RGS12: variants seen among roughly 807,000 people sequenced by gnomAD.
RGS12 encodes the protein regulator of G protein signaling 12.
Under a neutral mutation model 120.1 loss-of-function variants are expected in RGS12, and 66 were observed. The ratio of observed to expected loss-of-function variants is 0.55; its 90% CI spans 0.45 to 0.67. The LOEUF is 0.67. RGS12 is among the 30% of genes least tolerant of loss of function. RGS12 has a pLI of 0.00. For synonymous variants in RGS12, 827 were observed against 804.7 expected, an observed-to-expected ratio of 1.03 and a Z score of -0.47; for missense variants, 1,859 against 1,957.7, an observed-to-expected ratio of 0.95 and a Z score of 0.95.
At chr4:3,292,638 C>T (rs1723090419), upstream of RGS12, among the ~76,000 whole-genome samples, 1 of 152,186 alleles carries the variant, frequency 6.6e-6, no homozygotes, top group South Asian at 2.1e-4. Context: ...CTCCCGGCCA[C>T]ACCGACCTGC....
Position 3,416,907 on chromosome 4 carries a change from C to G in RGS12, c.2428-6C>G. On this transcript the variant is annotated splice_polypyrimidine_tract_variant and splice_region_variant and intron_variant, in intron 7 of 17. Coordinates refer to ENST00000336727, the MANE Select transcript of RGS12 (RefSeq NM_001394154.1). Reference sequence around the variant, plus strand: ...GTGACTGTCCCACCTTACATCTTCTCCCCAGATCTTCAATCTCATGAAGTT... The same window carrying G: ...GTGACTGTCCCACCTTACATCTTCTGCCCAGATCTTCAATCTCATGAAGTT... 1 of 1,592,588 alleles carries G rather than the reference C, an allele frequency of 6.3e-7. No individual in the cohort carries two copies.
intron 4 of RGS12, among the ~76,000 whole-genome samples, chr4:3,388,303 G>A (rs1163316076): frequency 3.3e-5 from 5 of 152,288 alleles, no homozygotes; most frequent in Admixed American, 1.3e-4. Flanking sequence ...TTCAGGAACC[G>A]CAGTGGGCGG....
intron 3 of RGS12, among the ~76,000 whole-genome samples, chr4:3,368,477 C>CTT (rs1716593773): frequency 2.4e-5 from 2 of 82,418 alleles, no homozygotes; most frequent in Non-Finnish European, 4.7e-5. Context: ...GTGGGGGTGC[C>CTT]TGTGTGTGAG....
At chr4:3,402,525 A>G (rs1720700166) in intron 4 of RGS12, among the ~76,000 whole-genome samples, 1 of 152,130 alleles carries the variant, frequency 6.6e-6, no homozygotes, top group Admixed American at 6.5e-5. Context: ...CTGTGTCTTC[A>G]GTTTTCTGTG....
intron 4 of RGS12, among the ~76,000 whole-genome samples, chr4:3,403,815 G>A (rs1720838656): frequency 6.6e-6 from 1 of 152,240 alleles, no homozygotes; most frequent in Admixed American, 6.5e-5. Context: ...AGGCCTCATT[G>A]CTTTAAGTTT....
At position 3,366,337 on chromosome 4, in the gene RGS12, C is replaced by T. The variant is rs1716300096; in HGVS notation, c.1999-20079C>T. Among the ~76,000 whole-genome samples the T allele has an allele frequency of 1.3e-5, 2 of 152,092 alleles. No homozygotes were observed. The highest frequency in any genetic ancestry group is 3.9e-4 in the East Asian group (2 of 5,184). ...AGCTGGGGGAGATTTGAGGGCCCTG[C>T]CCATAGAGGAGCCACACCTGGGCCT... On this transcript the variant is annotated intron_variant, in intron 3 of 17. Coordinates refer to ENST00000336727, the MANE Select transcript of RGS12 (RefSeq NM_001394154.1). This position sits in a 1 kb window ranked among gnomAD's most constrained non-coding sequence, Gnocchi z 4.0.
intron 4 of RGS12, among the ~76,000 whole-genome samples, chr4:3,398,348 G>A (rs142727875): frequency 6.0e-4 from 91 of 152,274 alleles, no homozygotes; most frequent in African/African-American, 2.1e-3. Context: ...CAGGCACGGT[G>A]GTGCACACCT....
At chr4:3,410,811 G>C (rs555866418) in intron 4 of RGS12, among the ~76,000 whole-genome samples, 1 of 152,302 alleles carries the variant, frequency 6.6e-6, no homozygotes, top group East Asian at 1.9e-4. Flanking sequence ...CCTCCTACCT[G>C]GTGGCTGCCT....
intron 4 of RGS12, among the ~76,000 whole-genome samples, chr4:3,406,755 GA>G (rs1340393951): frequency 6.6e-6 from 1 of 152,214 alleles, no homozygotes; most frequent in East Asian, 1.9e-4. Flanking sequence ...CTGGGGGCAG[GA>G]GCAACAGAGG....
chr4:3,309,007 A>AG (rs1724133100), intron 1 of RGS12, among the ~76,000 whole-genome samples: 1 of 147,120 alleles, frequency 6.8e-6, no homozygotes, highest in Admixed American at 6.7e-5. Flanking sequence ...GGAACCGGGC[A>AG]GGGGAGGAGC....
chr4:3,415,859 G>A (rs887379600), intron 6 of RGS12, 119 bp from the exon 7 acceptor site: 6 of 984,428 alleles, frequency 6.1e-6, no homozygotes, highest in African/African-American at 1.6e-5. Flanking sequence ...CAAGCAAGAG[G>A]TATTTACTGG....
intron 3 of RGS12, among the ~76,000 whole-genome samples, chr4:3,375,400 G>GC (rs1419694695): frequency 1.2e-5 from 1 of 84,602 alleles, no homozygotes. Context: ...CTCATCTCCA[G>GC]CCTCATCTCC....
chr4:3,329,028 G>A (rs1209487201), intron 2 of RGS12, among the ~76,000 whole-genome samples: 3 of 152,190 alleles, frequency 2.0e-5, no homozygotes, highest in Non-Finnish European at 4.4e-5. Context: ...AGGCCAAGAG[G>A]CTCAGCTGTT....
At chr4:3,368,276 G>A (rs1246593722) in intron 3 of RGS12, among the ~76,000 whole-genome samples, 1 of 152,224 alleles carries the variant, frequency 6.6e-6, no homozygotes, top group Non-Finnish European at 1.5e-5. Flanking sequence ...AGCCACCCCA[G>A]AACCCCTTGC....
chr4:3,325,631 A>G (rs1194925706), intron 2 of RGS12, among the ~76,000 whole-genome samples: 1 of 152,100 alleles, frequency 6.6e-6, no homozygotes, highest in African/African-American at 2.4e-5. Context: ...ACTAGTACCA[A>G]CCCTCCTGAA....
In RGS12 at chr4:3,433,154, C is replaced by T. The variant is rs779256568; in HGVS notation, c.4114+2199C>T. On this transcript the variant is annotated intron_variant, in intron 17 of 17. Transcript: ENST00000336727. This position sits in a 1 kb window ranked among gnomAD's most constrained non-coding sequence, Gnocchi z 4.4. ...AGCCTGGACTGAGTGCTGACCTGTC[C>T]GTTTTCAGGGTTTAGGAGCTTGGGG... Among the ~76,000 whole-genome samples the T allele has an allele frequency of 1.1e-4, 16 of 152,334 alleles. No individual in the cohort carries two copies. Among genetic ancestry groups the T allele is most frequent in the Admixed American group, 4.6e-4 (7 of 15,314 alleles).
chr4:3,425,357 G>C (rs1407628316), intron 13 of RGS12, 107 bp from the exon 14 acceptor site: 1 of 990,450 alleles, frequency 1.0e-6, no homozygotes, highest in East Asian at 2.4e-5. Context: ...CATCTCCTGC[G>C]TGACTCCATC....
chr4:3,329,542 G>A (rs2108729491), intron 2 of RGS12, among the ~76,000 whole-genome samples: 1 of 151,654 alleles, frequency 6.6e-6, no homozygotes, highest in Non-Finnish European at 1.5e-5. Flanking sequence ...ACCCTGTGAT[G>A]TTGAAGCAAC....
chr4:3,412,088 T>C (rs1396801127), intron 4 of RGS12, among the ~76,000 whole-genome samples: 2 of 152,412 alleles, frequency 1.3e-5, no homozygotes, highest in Middle Eastern at 3.4e-3. Flanking sequence ...GAACTTCCTT[T>C]CGGTCTTCTT....
Sources: gnomAD v4.1 joint callset for allele counts (sites outside exome capture counted in the v4.1 genomes callset) on GRCh38, gnomAD v4.1.1 for gene constraint, Gnocchi (gnomAD v3.1) non-coding constraint, MANE v1.5 for transcripts, NCBI Gene and HGNC (gene_info 2026-07-23, HGNC 2026-07-21) for gene names.